The following MICU2 variants were observed in gnomAD, a reference collection of about 807,000 sequenced individuals.
MICU2 encodes calcium uptake protein 2, mitochondrial.
MICU2 carries 64 observed loss-of-function variants against 60.4 expected under a neutral mutation model. That is an observed-to-expected ratio of 1.06 (90% CI 0.87 to 1.31). The LOEUF (loss-of-function observed/expected upper bound fraction) is 1.31. Ranked by LOEUF, MICU2 falls within the 50% of genes most tolerant of loss-of-function variation. The pLI is 0.00. For missense variants in MICU2, 569 were observed against 531.0 expected (o/e 1.07, Z -0.70); for synonymous variants, 201 against 175.0 (o/e 1.15, Z -1.17).
intron 1 of MICU2, among the ~76,000 whole-genome samples, chr13:21,568,700 CTA>C (rs1555275366): frequency 3.9e-5 from 6 of 152,146 alleles, no homozygotes; most frequent in African/African-American, 9.6e-5. Flanking sequence ...GCCATTAACT[CTA>C]TGTTTCTTCT....
At chr13:21,585,853 A>T (rs556772044) in intron 1 of MICU2, among the ~76,000 whole-genome samples, 97 of 152,348 alleles carry the variant, frequency 6.4e-4, no homozygotes, top group Middle Eastern at 3.4e-3. Flanking sequence ...ACAAAATAAA[A>T]AATGAGTTCA....
chr13:21,504,665 T>G (rs1324842863), intron 8 of MICU2, among the ~76,000 whole-genome samples: 4 of 152,158 alleles, frequency 2.6e-5, no homozygotes, highest in Non-Finnish European at 4.4e-5. Flanking sequence ...ATTACATACT[T>G]TATAAATTAG....
chr13:21,502,942 T>A lies in MICU2; in HGVS notation c.917A>T (p.Lys306Met), dbSNP rs145503945. 7,047 of 1,610,716 alleles carry A rather than the reference T, an allele frequency of 4.4e-3. 20 individuals are homozygous for A. Among genetic ancestry groups the A allele is most frequent in the Non-Finnish European group, 5.4e-3 (6,317 of 1,179,238 alleles). ...KDIYWKNVRE[K>M]LSAGESISLD... The stretch of plus-strand genomic sequence containing the variant: ...TATACCAACCTCTCCTGCTGACAAC[T>A]TCTCTCTCACATTTTTCCAATAAAT... Residue 306 changes from lysine to methionine, a missense_variant, in exon 9 of 12, where the codon AAG (lysine) becomes ATG (methionine). Coordinates refer to ENST00000382374, the MANE Select transcript of MICU2 (RefSeq NM_152726.3).
chr13:21,536,617 G>A (rs967673664), intron 4 of MICU2, among the ~76,000 whole-genome samples: 1 of 152,186 alleles, frequency 6.6e-6, no homozygotes, highest in Non-Finnish European at 1.5e-5. Context: ...ACAAGCGTGA[G>A]CTAATGCACT....
chr13:21,545,833 G>C, intron 2 of MICU2, among the ~76,000 whole-genome samples: 1 of 134,224 alleles, frequency 7.5e-6, no homozygotes, highest in Non-Finnish European at 1.7e-5. Context: ...ATATACCACT[G>C]TAAGATAACT....
chr13:21,527,439 T>C (rs761442936), intron 4 of MICU2, among the ~76,000 whole-genome samples: 2 of 152,190 alleles, frequency 1.3e-5, no homozygotes, highest in Non-Finnish European at 2.9e-5. Flanking sequence ...CCAGGGTCTT[T>C]CTTTGAAATA....
intron 1 of MICU2, among the ~76,000 whole-genome samples, chr13:21,586,047 A>G (rs1888449979): frequency 1.3e-5 from 2 of 152,196 alleles, no homozygotes; most frequent in South Asian, 4.1e-4. Context: ...CAATTAGCTG[A>G]CTCACTAGAA....
intron 9 of MICU2, 180 bp downstream of exon 9, chr13:21,502,746 T>C: frequency 2.2e-6 from 1 of 451,028 alleles, no homozygotes; most frequent in Non-Finnish European, 3.6e-6. Context: ...ATTGCTACAC[T>C]GATTCTGTCT....
At chr13:21,546,788 T>C (rs1324215261) in intron 2 of MICU2, among the ~76,000 whole-genome samples, 1 of 152,130 alleles carries the variant, frequency 6.6e-6, no homozygotes, top group Non-Finnish European at 1.5e-5. Context: ...GCATGATACA[T>C]CTGAGATTGC....
At chr13:21,594,709 T>A (rs1238092216) in intron 1 of MICU2, among the ~76,000 whole-genome samples, 1 of 152,190 alleles carries the variant, frequency 6.6e-6, no homozygotes, top group Non-Finnish European at 1.5e-5. Context: ...TAAAAGGGAA[T>A]GAGATCATGT....
At chr13:21,519,357 C>T (rs186066337) in intron 6 of MICU2, among the ~76,000 whole-genome samples, 23 of 152,218 alleles carry the variant, frequency 1.5e-4, no homozygotes, top group Admixed American at 1.4e-3. Context: ...CGTGCCCACC[C>T]TCGAGAGTTC....
At chr13:21,522,979 C>T (rs1410808133) in intron 4 of MICU2, among the ~76,000 whole-genome samples, 1 of 152,184 alleles carries the variant, frequency 6.6e-6, no homozygotes, top group Non-Finnish European at 1.5e-5. Context: ...CATTGGTAGA[C>T]TCGGTAAAGC....
intron 4 of MICU2, among the ~76,000 whole-genome samples, chr13:21,538,499 C>T (rs763937863): frequency 1.4e-5 from 2 of 146,338 alleles, no homozygotes; most frequent in African/African-American, 2.5e-5. Context: ...CAGAGTTTGA[C>T]GCTGCCGGGA....
At chr13:21,496,691 A>G (rs1886006192) in intron 9 of MICU2, 1 of 152,446 alleles carries the variant, frequency 6.6e-6, no homozygotes, top group Non-Finnish European at 1.5e-5. Flanking sequence ...TAGTTTGCCC[A>G]AAGTCTACTA....
intron 4 of MICU2, chr13:21,531,399 T>C: frequency 1.0e-6 from 1 of 971,540 alleles, no homozygotes; most frequent in Admixed American, 2.2e-5. Context: ...AAAACGAGAG[T>C]GGTCCTTCCC....
intron 2 of MICU2, among the ~76,000 whole-genome samples, chr13:21,561,537 TAA>T (rs1051737798): frequency 6.9e-6 from 1 of 145,932 alleles, no homozygotes. Context: ...ACTCACCCAT[TAA>T]AAAAAAAAAA....
chr13:21,550,851 C>T (rs558567046), intron 2 of MICU2, among the ~76,000 whole-genome samples: 14 of 152,184 alleles, frequency 9.2e-5, no homozygotes, highest in South Asian at 4.1e-4. Context: ...AGACTAATAG[C>T]TTATATAACT....
chr13:21,587,652 C>T (rs935638822), intron 1 of MICU2, among the ~76,000 whole-genome samples: 9 of 152,272 alleles, frequency 5.9e-5, no homozygotes, highest in Non-Finnish European at 7.4e-5. Context: ...ATGCTGATTT[C>T]GAAGTGAATT....
intron 10 of MICU2, chr13:21,495,801 T>C (rs1885981149): frequency 9.2e-6 from 3 of 324,558 alleles, no homozygotes; most frequent in Non-Finnish European, 1.7e-5. Context: ...CCCAAAGTGC[T>C]GGGATTACAG....
Sources: allele counts gnomAD v4.1 joint callset (sites outside exome capture counted in the v4.1 genomes callset), GRCh38; gene constraint gnomAD v4.1.1; transcripts MANE v1.5; gene names NCBI Gene and HGNC (gene_info 2026-07-23, HGNC 2026-07-21).